The following RUFY3 variants were observed in gnomAD, a reference collection of about 807,000 sequenced individuals.
RUFY3 encodes RUN and FYVE domain containing 3.
RUFY3 carries 34 observed loss-of-function variants against 84.0 expected under a neutral mutation model. The observed-to-expected ratio is 0.40, with a 90% confidence interval of 0.31 to 0.54. RUFY3 has a LOEUF of 0.54. RUFY3 is among the 20% of genes least tolerant of loss of function. The pLI is 0.39. For synonymous variants in RUFY3, 242 were observed against 252.9 expected, an observed-to-expected ratio of 0.96 and a Z score of 0.41; for missense variants, 507 against 736.8, an observed-to-expected ratio of 0.69 and a Z score of 3.61.
Position 70,781,620 on chromosome 4 carries a change from A to G in RUFY3, c.895-1471A>G, listed in dbSNP as rs186529091. On this transcript the variant is annotated intron_variant, in intron 8 of 17. Coordinates refer to ENST00000381006, the MANE Select transcript of RUFY3 (RefSeq NM_001037442.4). ...TTTGGAATGACCTGCCTGAGGGCATACTTGAATCTAGAGAGGAGACCTACT... is the reference window on the plus strand; with the variant it reads ...TTTGGAATGACCTGCCTGAGGGCATGCTTGAATCTAGAGAGGAGACCTACT... Among the ~76,000 whole-genome samples the G allele has an allele frequency of 5.2e-5, 8 of 152,384 alleles. No individual in the cohort carries two copies. In the East Asian group the frequency reaches 1.3e-3, roughly 26 times the overall value.
chr4:70,766,641 AC>A (rs1384032494), intron 4 of RUFY3, among the ~76,000 whole-genome samples: 7 of 152,050 alleles, frequency 4.6e-5, no homozygotes, highest in African/African-American at 1.7e-4. Flanking sequence ...TTTCATACAT[AC>A]CCTTCCCCCC....
intron 15 of RUFY3, among the ~76,000 whole-genome samples, chr4:70,801,349 A>G (rs938165720): frequency 1.3e-5 from 2 of 152,118 alleles, no homozygotes; most frequent in Non-Finnish European, 1.5e-5. Context: ...AATGTAAACT[A>G]TAGACTCTGG....
intron 14 of RUFY3, among the ~76,000 whole-genome samples, chr4:70,795,804 G>A (rs1731430529): frequency 6.6e-6 from 1 of 152,022 alleles, no homozygotes; most frequent in Non-Finnish European, 1.5e-5. Flanking sequence ...AAGAAAAATT[G>A]GTGCACTTTA....
At chr4:70,762,777 C>A in intron 2 of RUFY3, 85 bp downstream of exon 2, 1 of 1,158,810 alleles carries the variant, frequency 8.6e-7, no homozygotes, top group Non-Finnish European at 1.2e-6. Context: ...TTTGTGGAGC[C>A]AAAGAATAAG....
intron 1 of RUFY3, among the ~76,000 whole-genome samples, chr4:70,728,842 G>A (rs565896620): frequency 4.0e-5 from 6 of 150,918 alleles, no homozygotes; most frequent in African/African-American, 7.3e-5. Flanking sequence ...ACTTTTTTCC[G>A]ATTACAAAAG....
rs146845817 is a variant in RUFY3, at chr4:70,709,660, C to G, written c.358+4366C>G. On this transcript the variant is annotated intron_variant, in intron 1 of 11. Coordinates refer to the RUFY3 transcript ENST00000417478. ...CCTTTTCCATCCTGCCGTTAGAGATCGTCTTGTGAATGGACAGGATAGACA... is the reference window on the plus strand; with the variant it reads ...CCTTTTCCATCCTGCCGTTAGAGATGGTCTTGTGAATGGACAGGATAGACA... Among the ~76,000 whole-genome samples, 599 of 152,300 alleles carry G rather than the reference C, an allele frequency of 3.9e-3. 8 individuals carry two copies. The highest frequency in any genetic ancestry group is 0.014 in the African/African-American group (578 of 41,556).
chr4:70,794,204 C>T (rs574639569), intron 13 of RUFY3, among the ~76,000 whole-genome samples: 1 of 152,168 alleles, frequency 6.6e-6, no homozygotes, highest in Non-Finnish European at 1.5e-5. Flanking sequence ...GTGCCAGATA[C>T]TTTAGGCACT....
At chr4:70,704,406 T>TG (rs1436586603), upstream of RUFY3, 1 of 152,342 alleles carries the variant, frequency 6.6e-6, no homozygotes, top group African/African-American at 2.4e-5. Flanking sequence ...TTTCGCCTCT[T>TG]CTTCAACCCA....
intron 1 of RUFY3, among the ~76,000 whole-genome samples, chr4:70,730,780 G>C (rs1719126405): frequency 6.6e-6 from 1 of 151,832 alleles, no homozygotes; most frequent in African/African-American, 2.4e-5. Flanking sequence ...GACATTCAAG[G>C]GTGTAATAAC....
At chr4:70,749,322 G>A (rs562208794) in intron 1 of RUFY3, among the ~76,000 whole-genome samples, 98 of 152,034 alleles carry the variant, frequency 6.4e-4, no homozygotes, top group Admixed American at 8.5e-4. Context: ...AACTAAAATT[G>A]ATTATATTAT....
intron 10 of RUFY3, among the ~76,000 whole-genome samples, chr4:70,785,620 G>C (rs1729659637): frequency 6.6e-6 from 1 of 151,842 alleles, no homozygotes; most frequent in African/African-American, 2.4e-5. Flanking sequence ...CGTAAGGTCG[G>C]GAGTTCGAGA....
At chr4:70,803,775 T>G (rs1268193911) in intron 16 of RUFY3, among the ~76,000 whole-genome samples, 2 of 150,848 alleles carry the variant, frequency 1.3e-5, no homozygotes, top group East Asian at 3.9e-4. Flanking sequence ...CAGGGTGGAG[T>G]GTTGTGGCAC....
At chr4:70,704,993 G>T in exon 1 of RUFY3, 2 of 1,225,430 alleles carry the variant, frequency 1.6e-6, no homozygotes, top group Non-Finnish European at 2.0e-6. Context: ...GCGAGGAGCC[G>T]GCGAGGGGCG....
chr4:70,733,158 GAGAGAGAGAA>G (rs1577999107), intron 1 of RUFY3, among the ~76,000 whole-genome samples: 10 of 141,572 alleles, frequency 7.1e-5, no homozygotes, highest in African/African-American at 2.7e-4. Context: ...GAGAGAGAGA[GAGAGAGAGAA>G]AGAAAGAAAG....
In RUFY3 at chr4:70,806,870, G is replaced by T; in HGVS notation, c.*211G>T. ...TGTATGAATAAAAGTGAACTTACTT[G>T]AGCCTTTCTCTTCTAAATCTAAACA... On this transcript the variant is annotated 3_prime_UTR_variant, in exon 18 of 18. Coordinates refer to ENST00000381006, the MANE Select transcript of RUFY3 (RefSeq NM_001037442.4). 2.1e-6 allele frequency: 1 copy of T among 483,674 alleles called. No homozygotes were observed. 30.0% of individuals were successfully genotyped at this position (483,674 alleles called of 1,614,324 possible). A position where few individuals can be genotyped will look rare whatever the true frequency, so the allele number is the denominator to read the frequency against.
intron 4 of RUFY3, among the ~76,000 whole-genome samples, chr4:70,767,662 TA>T (rs574466952): frequency 2.4e-4 from 36 of 152,142 alleles, no homozygotes; most frequent in African/African-American, 8.2e-4. Context: ...AAGCAGTATT[TA>T]ATTATCTATG....
chr4:70,731,856 C>T (rs114669533), intron 1 of RUFY3, among the ~76,000 whole-genome samples: 2,772 of 152,280 alleles, frequency 0.018, 99 homozygotes, highest in African/African-American at 0.063. Context: ...CATGAGCCAC[C>T]GCACTTAGCC....
At chr4:70,794,442 A>T (rs756010564) in intron 13 of RUFY3, among the ~76,000 whole-genome samples, 1 of 152,114 alleles carries the variant, frequency 6.6e-6, no homozygotes, top group East Asian at 1.9e-4. Flanking sequence ...TTTGCCAGAC[A>T]TAGTGGTGGG....
intron 1 of RUFY3, among the ~76,000 whole-genome samples, chr4:70,711,064 GAAAA>G (rs950005722): frequency 5.5e-5 from 3 of 54,074 alleles, no homozygotes; most frequent in Admixed American, 5.2e-4. Context: ...ACTCCGTCTG[GAAAA>G]AAAAAAAAAA....
Sources: allele counts gnomAD v4.1 joint callset (sites outside exome capture counted in the v4.1 genomes callset), GRCh38; gene constraint gnomAD v4.1.1; transcripts MANE v1.5; gene names NCBI Gene and HGNC (gene_info 2026-07-23, HGNC 2026-07-21).